XIRP2: variants seen among roughly 807,000 people sequenced by gnomAD.
XIRP2 encodes the protein xin actin binding repeat containing 2, also known as xin actin-binding repeat-containing protein 2.
A neutral mutation model predicts 277.0 loss-of-function variants in XIRP2; 236 were observed. The ratio of observed to expected loss-of-function variants is 0.85; its 90% CI spans 0.77 to 0.95. XIRP2 has a LOEUF of 0.95. Among genes scored for constraint, XIRP2 ranks in the 40% least tolerant of loss-of-function variants. XIRP2 has a pLI of 0.00. For missense variants in XIRP2, 4,640 were observed against 4,157.5 expected (o/e 1.12, Z -3.19); for synonymous variants, 1,490 against 1,416.5 (o/e 1.05, Z -1.17).
intron 2 of XIRP2, among the ~76,000 whole-genome samples, chr2:167,099,926 G>C (rs1690442732): frequency 6.6e-6 from 1 of 152,100 alleles, no homozygotes; most frequent in Non-Finnish European, 1.5e-5. Flanking sequence ...CTCTCTGGGA[G>C]CTGCAGACCG....
intron 2 of XIRP2, among the ~76,000 whole-genome samples, chr2:167,088,561 C>T (rs541318033): frequency 2.0e-5 from 3 of 152,248 alleles, no homozygotes; most frequent in South Asian, 2.1e-4. Flanking sequence ...CCTCAGTACA[C>T]TTGCATATCT....
chr2:166,950,643 T>A (rs1445887732), intron 2 of XIRP2, among the ~76,000 whole-genome samples: 1 of 152,122 alleles, frequency 6.6e-6, no homozygotes, highest in Non-Finnish European at 1.5e-5. Flanking sequence ...TCTAAATTAC[T>A]GCCCTTCACT....
Position 167,244,313 on chromosome 2 carries a change from G to T in XIRP2, c.2921G>T (p.Gly974Val). 2 of 1,613,770 alleles carry T rather than the reference G, an allele frequency of 1.2e-6. 1 individual carries two copies. The highest frequency in any genetic ancestry group is 2.2e-5 in the South Asian group (2 of 91,038). The stretch of plus-strand genomic sequence containing the variant: ...ATAGAGGTGGAAGGAGTTACAAGAG[G>T]TGCTGTAGAGTTAAATAAATCTCTC... Reference protein sequence around the residue: ...HKIEVEGVTRGAVELNKSLFE... With the variant: ...HKIEVEGVTRVAVELNKSLFE... The change falls in exon 9 of 11, where the codon GGT (glycine) becomes GTT (valine). Residue 974 changes from glycine (G) to valine (V), a missense_variant. By Grantham distance (109) the Gly-to-Val change is moderately radical (BLOSUM62 -3). Coordinates refer to ENST00000409195, the MANE Select transcript of XIRP2 (RefSeq NM_152381.6).
chr2:167,190,607 A>G (rs1693302230), intron 3 of XIRP2, among the ~76,000 whole-genome samples: 1 of 152,222 alleles, frequency 6.6e-6, no homozygotes, highest in Non-Finnish European at 1.5e-5. Context: ...ATTGGAATCC[A>G]CCTCTTACAA....
intron 3 of XIRP2, among the ~76,000 whole-genome samples, chr2:167,169,225 T>G (rs946525774): frequency 1.3e-5 from 2 of 152,194 alleles, no homozygotes; most frequent in African/African-American, 4.8e-5. Context: ...TCAAAATGAT[T>G]CTTTTTCCCC....
At chr2:167,000,326 A>G (rs1209612542) in intron 2 of XIRP2, among the ~76,000 whole-genome samples, 4 of 152,070 alleles carry the variant, frequency 2.6e-5, no homozygotes, top group Non-Finnish European at 4.4e-5. Context: ...AGATACTTTT[A>G]ATTTCTTTTT....
rs981718488 is a variant in XIRP2, at chr2:166,968,745, A to AT, written c.408+64864dup. ...TTAACCTTTAAAGGTAAAAAATTTGATTTTTTTTTCTATTTTTTAACAGAA... is the reference window on the plus strand; with the variant it reads ...TTAACCTTTAAAGGTAAAAAATTTGATTTTTTTTTTCTATTTTTTAACAGAA... On this transcript the variant is annotated intron_variant, in intron 2 of 10. Coordinates refer to ENST00000409195, the MANE Select transcript of XIRP2 (RefSeq NM_152381.6). 3.3e-3 allele frequency among the ~76,000 whole-genome samples: 503 copies of AT among 151,370 alleles called. 4 individuals carry two copies. The highest frequency in any genetic ancestry group is 0.011 in the African/African-American group (466 of 41,298).
At chr2:167,021,240 C>A (rs1397803357) in intron 2 of XIRP2, among the ~76,000 whole-genome samples, 1 of 152,010 alleles carries the variant, frequency 6.6e-6, no homozygotes, top group African/African-American at 2.4e-5. Context: ...TTGAATAAAT[C>A]GTCCCACTGC....
At chr2:166,900,294 G>A (rs886888875) in intron 1 of XIRP2, among the ~76,000 whole-genome samples, 5 of 151,638 alleles carry the variant, frequency 3.3e-5, no homozygotes, top group South Asian at 2.1e-4. Flanking sequence ...TTAAATGTTC[G>A]TTATTTCTAC....
At chr2:167,089,681 C>T (rs1015055323) in intron 2 of XIRP2, among the ~76,000 whole-genome samples, 5 of 151,896 alleles carry the variant, frequency 3.3e-5, no homozygotes, top group South Asian at 2.1e-4. Flanking sequence ...CATATGTGTG[C>T]GTGTATTACT....
At chr2:167,122,940 G>A (rs1229758202) in intron 2 of XIRP2, among the ~76,000 whole-genome samples, 1 of 152,050 alleles carries the variant, frequency 6.6e-6, no homozygotes, top group African/African-American at 2.4e-5. Context: ...CTTAATTTGT[G>A]CTTGCTTGTC....
intron 2 of XIRP2, among the ~76,000 whole-genome samples, chr2:166,910,501 C>G (rs1684670511): frequency 2.0e-5 from 3 of 152,226 alleles, no homozygotes; most frequent in Admixed American, 1.3e-4. Flanking sequence ...ATTCTTCTCT[C>G]TTTTCTTCTT....
intron 2 of XIRP2, among the ~76,000 whole-genome samples, chr2:166,928,668 A>G (rs150984645): frequency 7.9e-5 from 12 of 152,264 alleles, no homozygotes; most frequent in African/African-American, 2.9e-4. Flanking sequence ...GATTTAATCA[A>G]TGTTTCAAGC....
chr2:167,241,684 A>C, intron 7 of XIRP2, 93 bp from the exon 8 acceptor site: 1 of 1,405,688 alleles, frequency 7.1e-7, no homozygotes, highest in Non-Finnish European at 9.5e-7. Context: ...TATTGGGATT[A>C]CAGGAATGAG....
At chr2:167,171,141 C>T (rs1188140189) in intron 3 of XIRP2, among the ~76,000 whole-genome samples, 1 of 152,076 alleles carries the variant, frequency 6.6e-6, no homozygotes, top group Non-Finnish European at 1.5e-5. Flanking sequence ...CTCAGGTGAT[C>T]TGTCCACCTC....
At chr2:167,161,428 T>A (rs1025612876) in intron 3 of XIRP2, among the ~76,000 whole-genome samples, 1 of 152,220 alleles carries the variant, frequency 6.6e-6, no homozygotes, top group East Asian at 1.9e-4. Context: ...TTTCCATACA[T>A]CCTCTGAAAT....
chr2:166,916,025 A>G (rs1244440683), intron 2 of XIRP2, among the ~76,000 whole-genome samples: 1 of 152,204 alleles, frequency 6.6e-6, no homozygotes, highest in Non-Finnish European at 1.5e-5. Flanking sequence ...CTAAGGGACC[A>G]TGAACCTACA....
At chr2:167,168,246 T>C (rs1692580986) in intron 3 of XIRP2, among the ~76,000 whole-genome samples, 1 of 152,206 alleles carries the variant, frequency 6.6e-6, no homozygotes. Context: ...TTCAGTGTTC[T>C]CTGCGCTTTC....
At position 167,259,268 on chromosome 2, in the gene XIRP2, G is replaced by A. The variant is rs762326085; in HGVS notation, c.*1451G>A. On this transcript the variant is annotated 3_prime_UTR_variant, in exon 11 of 11. Coordinates refer to ENST00000409195, the MANE Select transcript of XIRP2 (RefSeq NM_152381.6). ...TGATGCTCTGAGCCATGAATGTACAGCTAAGCCTTTGTTTCCCAGAGTGGA... is the reference window on the plus strand; with the variant it reads ...TGATGCTCTGAGCCATGAATGTACAACTAAGCCTTTGTTTCCCAGAGTGGA... 11 of 1,613,404 alleles carry A rather than the reference G, an allele frequency of 6.8e-6. No homozygotes were observed. Among genetic ancestry groups the A allele is most frequent in the South Asian group, 6.6e-5 (6 of 91,072 alleles).
Sources: allele counts gnomAD v4.1 joint callset (sites outside exome capture counted in the v4.1 genomes callset), GRCh38; gene constraint gnomAD v4.1.1; transcripts MANE v1.5; gene names NCBI Gene and HGNC (gene_info 2026-07-23, HGNC 2026-07-21).